The following XPO5 variants were observed in gnomAD, a reference collection of about 807,000 sequenced individuals.
XPO5 encodes exportin-5.
In XPO5, 46 loss-of-function variants were observed where a neutral mutation model predicts 160.6. The ratio of observed to expected loss-of-function variants is 0.29; its 90% CI spans 0.23 to 0.37. The LOEUF (loss-of-function observed/expected upper bound fraction) is 0.37, where lower values mean the gene tolerates loss of function less well. Among genes scored for constraint, XPO5 ranks in the 10% least tolerant of loss-of-function variants. The pLI is 1.00. For missense variants in XPO5, 1,090 were observed against 1,463.9 expected (o/e 0.74, Z 4.17); for synonymous variants, 537 against 519.3 (o/e 1.03, Z -0.46).
chr6:43,554,753 A>C (rs1427947286), intron 13 of XPO5, among the ~76,000 whole-genome samples: 1 of 152,060 alleles, frequency 6.6e-6, no homozygotes, highest in Non-Finnish European at 1.5e-5. Flanking sequence ...TCTTGCTTAC[A>C]TACAGCGTAG....
intron 4 of XPO5, 71 bp downstream of exon 4, chr6:43,570,786 A>C: frequency 6.5e-7 from 1 of 1,543,108 alleles, no homozygotes; most frequent in Non-Finnish European, 8.7e-7. Flanking sequence ...CCCACAAACA[A>C]AATCAAACAA....
At position 43,523,884 on chromosome 6, in the gene XPO5, G is replaced by A. The variant is rs537877471; in HGVS notation, c.3599C>T (p.Thr1200Ile). ...AAGCTTGATTCAGGGTTCAAAGATG[G>A]TGGCCAGGCCACCCCCATCATTGTC... is the stretch of plus-strand genomic sequence containing the variant. ...VLDNDGGGLA[T>I]IFEP The change falls in exon 32 of 32, where the codon ACC becomes ATC. Residue 1200 changes from threonine (T) to isoleucine (I), a missense_variant. This residue lies in a region of XPO5 where 810 missense variants were observed against 1,139.0 expected (regional missense o/e 0.71). Transcript: ENST00000265351. 1.9e-6 allele frequency: 3 copies of A among 1,614,042 alleles called. No individual in the cohort carries two copies. The South Asian group carries it at 3.3e-5, about 18-fold the overall frequency.
At position 43,553,408 on chromosome 6, in the gene XPO5, C is replaced by T; in HGVS notation, c.1537G>A (p.Val513Ile). Residue 513 changes from valine to isoleucine, a missense_variant, in exon 14 of 32, where the codon GTT becomes ATT. Val to Ile is a conservative substitution (Grantham distance 29). Around this residue, in one of 3 missense-constraint regions of XPO5, gnomAD observed 810 missense variants for 1,139.0 expected, o/e 0.71. Transcript: ENST00000265351. ...WEAMTLFLES[V>I]ITQMFRTLNR... Reference sequence around the variant, plus strand: ...AGTGTTCGAAACATCTGGGTGATAACACTTTCCAAAAAAAGAGTCATGGCT... The same window carrying T: ...AGTGTTCGAAACATCTGGGTGATAATACTTTCCAAAAAAAGAGTCATGGCT... 1 of 1,607,104 alleles carries T rather than the reference C, an allele frequency of 6.2e-7. No individual in the cohort carries two copies. The highest frequency in any genetic ancestry group is 1.7e-5 in the Admixed American group (1 of 58,932).
chr6:43,536,272 G>A (rs763338254), intron 20 of XPO5, among the ~76,000 whole-genome samples: 8 of 151,054 alleles, frequency 5.3e-5, no homozygotes, highest in Admixed American at 4.0e-4. Flanking sequence ...AAAATTAGCC[G>A]GGTGTGGTGG....
Position 43,553,510 on chromosome 6 carries a change from A to AACACAC in XPO5, c.1442-13_1442-8dup, listed in dbSNP as rs749301680. The AACACAC allele has an allele frequency of 1.1e-5, 17 of 1,503,530 alleles. No homozygotes were observed. In the African/African-American group the frequency reaches 2.0e-4, roughly 18 times the overall value. 93.1% of individuals were successfully genotyped at this position (1,503,530 alleles called of 1,614,324 possible). A position where few individuals can be genotyped will look rare whatever the true frequency, so the allele number is the denominator to read the frequency against. On this transcript the variant is annotated splice_polypyrimidine_tract_variant and splice_region_variant and intron_variant, in intron 13 of 31. Transcript: ENST00000265351. ...GTTCCAACTGCAGAACAAGCTTTAA[A>AACACAC]ACACACACACACACATACACACACA...
Position 43,523,329 on chromosome 6 carries a change from C to T in XPO5, c.*539G>A. The T allele has an allele frequency of 4.1e-6, 1 of 243,582 alleles. No homozygotes were observed. The highest frequency in any genetic ancestry group is 8.1e-6 in the Non-Finnish European group (1 of 122,728). 15.1% of individuals were successfully genotyped at this position (243,582 alleles called of 1,614,324 possible). A position where few individuals can be genotyped will look rare whatever the true frequency, so the allele number is the denominator to read the frequency against. ...CCAAAGCAAAGTTGAGAGAACTGACCAAGTTCTCTTCAGCACTTAGCACCT... is the reference window on the plus strand; with the variant it reads ...CCAAAGCAAAGTTGAGAGAACTGACTAAGTTCTCTTCAGCACTTAGCACCT... On this transcript the variant is annotated 3_prime_UTR_variant, in exon 32 of 32. Coordinates refer to ENST00000265351, the MANE Select transcript of XPO5 (RefSeq NM_020750.3).
chr6:43,551,723 GTGT>G (rs1385537847), intron 14 of XPO5, among the ~76,000 whole-genome samples: 2 of 152,028 alleles, frequency 1.3e-5, no homozygotes, highest in East Asian at 1.9e-4. Flanking sequence ...TGTTGTAGAA[GTGT>G]TGTTATGTCG....
At chr6:43,543,098 A>C (rs2127723154) in intron 20 of XPO5, among the ~76,000 whole-genome samples, 1 of 152,326 alleles carries the variant, frequency 6.6e-6, no homozygotes, top group South Asian at 2.1e-4. Flanking sequence ...GAGCGAAAGG[A>C]AGGCAGACAC....
At chr6:43,536,787 A>AAAAAAG (rs1561869430) in intron 20 of XPO5, among the ~76,000 whole-genome samples, 5 of 148,472 alleles carry the variant, frequency 3.4e-5, no homozygotes, top group African/African-American at 1.3e-4. Context: ...AAAAAAAAAA[A>AAAAAAG]AAAGCAGCTT....
At chr6:43,538,137 A>ATTT (rs1794460458) in intron 20 of XPO5, among the ~76,000 whole-genome samples, 3 of 105,630 alleles carry the variant, frequency 2.8e-5, no homozygotes, top group African/African-American at 1.3e-4. Context: ...CCTAAGAGAC[A>ATTT]TCTTTTTTTT....
intron 5 of XPO5, among the ~76,000 whole-genome samples, chr6:43,569,355 G>A (rs901995349): frequency 4.0e-5 from 6 of 151,374 alleles, no homozygotes; most frequent in Non-Finnish European, 7.4e-5. Context: ...TCAGAATAGT[G>A]GCTATTCAGT....
chr6:43,570,373 T>G (rs1440990778), intron 5 of XPO5, 129 bp downstream of exon 5: 1 of 803,628 alleles, frequency 1.2e-6, no homozygotes, highest in Non-Finnish European at 1.8e-6. Context: ...ATTTCCTAGT[T>G]TTTTATTTTT....
rs1388522880 is a variant in XPO5, at chr6:43,570,848, G to A, written c.438+9C>T. The A allele has an allele frequency of 3.1e-6, 5 of 1,606,748 alleles. No individual in the cohort carries two copies. The highest frequency in any genetic ancestry group is 1.1e-5 in the South Asian group (1 of 89,324). On this transcript the variant is annotated intron_variant, in intron 4 of 31. Coordinates refer to ENST00000265351, the MANE Select transcript of XPO5 (RefSeq NM_020750.3). ...AAGTATACCAAACTGATATAGCTGT[G>A]TTTCATACCCCTTGTTTGGAAAGAG...
intron 6 of XPO5, 75 bp from the exon 7 acceptor site, chr6:43,567,429 C>T (rs1762752969): frequency 2.2e-6 from 3 of 1,334,134 alleles, no homozygotes; most frequent in African/African-American, 3.0e-5. Flanking sequence ...TAACTGAACT[C>T]CCATTTTCTA....
At chr6:43,561,917 C>T (rs1762436970) in intron 9 of XPO5, 1 of 180,294 alleles carries the variant, frequency 5.5e-6, no homozygotes, top group South Asian at 1.8e-4. Context: ...GTCCATGTTT[C>T]GTGGGCTAAC....
Position 43,522,703 on chromosome 6 carries a change from G to T in XPO5, c.*1165C>A, listed in dbSNP as rs542784055. The T allele has an allele frequency of 2.2e-5, 11 of 498,766 alleles. No individual in the cohort carries two copies. Among genetic ancestry groups the T allele is most frequent in the South Asian group, 1.6e-4 (11 of 66,880 alleles). 30.9% of individuals were successfully genotyped at this position (498,766 alleles called of 1,614,324 possible). A position where few individuals can be genotyped will look rare whatever the true frequency, so the allele number is the denominator to read the frequency against. On this transcript the variant is annotated 3_prime_UTR_variant, in exon 32 of 32. Coordinates refer to ENST00000265351, the MANE Select transcript of XPO5 (RefSeq NM_020750.3). ...GTAGCTTCAGTCCACTTCGGCTCTCGGGGAAACCCTCTTGTCAGTGGACTG... is the reference window on the plus strand; with the variant it reads ...GTAGCTTCAGTCCACTTCGGCTCTCTGGGAAACCCTCTTGTCAGTGGACTG...
rs915551971 is a variant in XPO5, at chr6:43,560,975, G to A, written c.1044C>T (p.Asn348=). ...GADSDVETPS[N]FGKYLESFLA... is the part of the protein sequence containing the mutation. Reference sequence around the variant, plus strand: ...GAAAAGATTCCAGGTATTTTCCAAAGTTTGATGGTGTTTCTACATCAGAAT... The same window carrying A: ...GAAAAGATTCCAGGTATTTTCCAAAATTTGATGGTGTTTCTACATCAGAAT... The change falls in exon 10 of 32, where the codon AAC becomes AAT. Residue 348 remains asparagine (N), a synonymous_variant. Transcript: ENST00000265351. The A allele has an allele frequency of 6.2e-7, 1 of 1,613,942 alleles. No homozygotes were observed. Among genetic ancestry groups the A allele is most frequent in the Non-Finnish European group, 8.5e-7 (1 of 1,179,850 alleles).
chr6:43,526,545 G>A lies in XPO5; in HGVS notation c.2983+140C>T, dbSNP rs1793603427. 5 of 920,504 alleles carry A rather than the reference G, an allele frequency of 5.4e-6. No individual in the cohort carries two copies. In the South Asian group the frequency reaches 7.6e-5, roughly 14 times the overall value. 57.0% of individuals were successfully genotyped at this position (920,504 alleles called of 1,614,324 possible). A position where few individuals can be genotyped will look rare whatever the true frequency, so the allele number is the denominator to read the frequency against. On this transcript the variant is annotated intron_variant, in intron 27 of 31. Transcript: ENST00000265351. ...GGTGGGAGTATGATGGAGGCACACA[G>A]CAAGAGGGCTGGTCCAGAGATGATA... is the stretch of plus-strand genomic sequence containing the variant.
At chr6:43,533,860 AT>A in intron 21 of XPO5, 46 bp downstream of exon 21, 1 of 1,428,890 alleles carries the variant, frequency 7.0e-7, no homozygotes, top group South Asian at 1.2e-5. Context: ...GGGGACATCC[AT>A]TAGGGATAAG....
Sources: gnomAD v4.1 joint callset for allele counts (sites outside exome capture counted in the v4.1 genomes callset) on GRCh38, gnomAD v4.1.1 for gene constraint, gnomAD v4.1.1 regional missense constraint, MANE v1.5 for transcripts, NCBI Gene and HGNC (gene_info 2026-07-23, HGNC 2026-07-21) for gene names.